The following OXR1 variants were observed in gnomAD, a reference collection of about 807,000 sequenced individuals.
OXR1 encodes oxidation resistance 1, also known as oxidation resistance protein 1.
OXR1 carries 41 observed loss-of-function variants against 104.6 expected under a neutral mutation model. The observed-to-expected ratio is 0.39, with a 90% CI of 0.31 to 0.51. The LOEUF is 0.51. OXR1 is among the 20% of genes least tolerant of loss of function. OXR1 has a pLI of 0.77. For missense variants in OXR1, 955 were observed against 1,031.9 expected, an observed-to-expected ratio of 0.93 and a Z score of 1.02; for synonymous variants, 348 against 348.4, an observed-to-expected ratio of 1.00 and a Z score of 0.01.
chr8:106,582,758 C>CTTATT (rs1467465339), intron 3 of OXR1, among the ~76,000 whole-genome samples: 3 of 152,034 alleles, frequency 2.0e-5, no homozygotes, highest in African/African-American at 7.2e-5. Flanking sequence ...GACAAGCAGG[C>CTTATT]TTATTTTACA....
intron 11 of OXR1, among the ~76,000 whole-genome samples, chr8:106,727,011 A>G (rs748148997): frequency 1.3e-5 from 2 of 152,212 alleles, no homozygotes; most frequent in Non-Finnish European, 1.5e-5. Context: ...AGATGCCCCC[A>G]AAGCAGCTTG....
In OXR1 at chr8:106,587,950, A is replaced by G. The variant is rs955769537; in HGVS notation, c.220+68811A>G. ...ACCAGTTGAACCATCTTCTAAATAT[A>G]AACAATTTTTTTTTTTTTTGAGACA... On this transcript the variant is annotated intron_variant, in intron 3 of 16. Transcript: ENST00000517566. Among the ~76,000 whole-genome samples the G allele has an allele frequency of 4.8e-4, 71 of 149,146 alleles. 1 individual carries two copies. Among genetic ancestry groups the G allele is most frequent in the Middle Eastern group, 3.4e-3 (1 of 290 alleles).
intron 1 of OXR1, among the ~76,000 whole-genome samples, chr8:106,316,024 C>T (rs989224683): frequency 1.3e-5 from 2 of 152,158 alleles, no homozygotes; most frequent in Non-Finnish European, 2.9e-5. Context: ...GGTAATTCGT[C>T]TGGGATAATT....
At chr8:106,324,545 A>C in intron 1 of OXR1, among the ~76,000 whole-genome samples, 1 of 128,234 alleles carries the variant, frequency 7.8e-6, no homozygotes, top group East Asian at 2.0e-4. Flanking sequence ...CTATACAAAA[A>C]AAGAAAAAAA....
intron 11 of OXR1, among the ~76,000 whole-genome samples, chr8:106,735,076 T>C (rs1311670164): frequency 6.6e-6 from 1 of 152,208 alleles, no homozygotes; most frequent in African/African-American, 2.4e-5. Context: ...TACCAAGGGT[T>C]TAAAATTAAT....
chr8:106,684,053 C>T (rs372959214), intron 5 of OXR1, among the ~76,000 whole-genome samples, 193 bp from the exon 6 acceptor site: 10 of 152,058 alleles, frequency 6.6e-5, no homozygotes, highest in African/African-American at 2.4e-4. Flanking sequence ...CTATTCCAGC[C>T]GTATATATTA....
chr8:106,504,128 G>T (rs1043452164), intron 2 of OXR1, among the ~76,000 whole-genome samples: 1 of 152,278 alleles, frequency 6.6e-6, no homozygotes, highest in African/African-American at 2.4e-5. Flanking sequence ...GGAACACAAA[G>T]ACCTGTTCCC....
At chr8:106,342,252 CTT>C (rs559836356) in intron 1 of OXR1, among the ~76,000 whole-genome samples, 3 of 141,026 alleles carry the variant, frequency 2.1e-5, no homozygotes, top group African/African-American at 2.6e-5. Flanking sequence ...TTTCTTTTTT[CTT>C]TTTTTTTTTT....
At chr8:106,647,578 T>C (rs3101529) in intron 3 of OXR1, among the ~76,000 whole-genome samples, 54,410 of 152,154 alleles carry the variant, frequency 0.36, 10,353 homozygotes, top group African/African-American at 0.48. Context: ...CAGATGCAGA[T>C]GTAGTGACTG....
At chr8:106,556,662 T>C (rs1261939212) in intron 3 of OXR1, among the ~76,000 whole-genome samples, 1 of 152,182 alleles carries the variant, frequency 6.6e-6, no homozygotes, top group Non-Finnish European at 1.5e-5. Context: ...CATATGTCCT[T>C]AAGAATCAAA....
chr8:106,360,864 C>CA (rs1816213925), intron 2 of OXR1, among the ~76,000 whole-genome samples: 1 of 151,928 alleles, frequency 6.6e-6, no homozygotes, highest in African/African-American at 2.4e-5. Flanking sequence ...GATGAATTCT[C>CA]AAAAAGCAGG....
intron 1 of OXR1, among the ~76,000 whole-genome samples, chr8:106,323,067 G>C (rs775945870): frequency 6.6e-6 from 1 of 151,946 alleles, no homozygotes; most frequent in Non-Finnish European, 1.5e-5. Context: ...AACCAAAAAA[G>C]AGCCTCAATA....
intron 1 of OXR1, among the ~76,000 whole-genome samples, chr8:106,321,199 C>G (rs1456637525): frequency 6.6e-6 from 1 of 152,156 alleles, no homozygotes; most frequent in South Asian, 2.1e-4. Context: ...TTTAACAAAA[C>G]AGGGCCTTGT....
intron 11 of OXR1, among the ~76,000 whole-genome samples, chr8:106,735,832 G>A (rs1421704860): frequency 1.3e-5 from 2 of 151,720 alleles, no homozygotes; most frequent in Non-Finnish European, 2.9e-5. Flanking sequence ...ATCTAATACT[G>A]AAATATAAAA....
chr8:106,708,059 G>A (rs1226663947), intron 9 of OXR1, among the ~76,000 whole-genome samples: 1 of 152,028 alleles, frequency 6.6e-6, no homozygotes, highest in Non-Finnish European at 1.5e-5. Flanking sequence ...CATTTCCAGA[G>A]CTTTTTTCAT....
intron 2 of OXR1, among the ~76,000 whole-genome samples, chr8:106,471,473 C>G (rs1821490485): frequency 6.6e-6 from 1 of 151,808 alleles, no homozygotes; most frequent in African/African-American, 2.4e-5. Flanking sequence ...TCATTTCCTT[C>G]AGTTCTCCCT....
At chr8:106,582,181 T>TATATATATATATATATATATATGAAGGA (rs1818290019) in intron 3 of OXR1, among the ~76,000 whole-genome samples, 1 of 141,828 alleles carries the variant, frequency 7.1e-6, no homozygotes, top group African/African-American at 2.7e-5. Flanking sequence ...TATTGACATA[T>TATATATATATATATATATATATGAAGGA]ATATATATAT....
chr8:106,422,197 C>A (rs752494675), intron 2 of OXR1, among the ~76,000 whole-genome samples: 30 of 152,074 alleles, frequency 2.0e-4, no homozygotes, highest in Admixed American at 6.6e-5. Flanking sequence ...AGTCTCCTTT[C>A]GGAGCACTGG....
At chr8:106,344,061 C>G (rs1815371934) in intron 1 of OXR1, among the ~76,000 whole-genome samples, 1 of 152,154 alleles carries the variant, frequency 6.6e-6, no homozygotes, top group African/African-American at 2.4e-5. Context: ...GAATGTGTTA[C>G]ATTTTTAAAG....
Sources: gnomAD v4.1 joint callset for allele counts (sites outside exome capture counted in the v4.1 genomes callset) on GRCh38, gnomAD v4.1.1 for gene constraint, MANE v1.5 for transcripts, NCBI Gene and HGNC (gene_info 2026-07-23, HGNC 2026-07-21) for gene names.